The following PDGFA variants were observed in gnomAD, a reference collection of about 807,000 sequenced individuals.
PDGFA encodes platelet derived growth factor subunit A, also known as platelet-derived growth factor subunit A.
A neutral mutation model predicts 25.6 loss-of-function variants in PDGFA; 9 were observed. The ratio of observed to expected loss-of-function variants is 0.35; its 90% CI spans 0.21 to 0.61. PDGFA has a LOEUF of 0.61. Among genes scored for constraint, PDGFA ranks in the 20% least tolerant of loss-of-function variants. The pLI, the probability that PDGFA is intolerant of heterozygous loss-of-function variation, is 0.75. For synonymous variants in PDGFA, 133 were observed against 111.8 expected, an observed-to-expected ratio of 1.19 and a Z score of -1.20; for missense variants, 242 against 272.8, an observed-to-expected ratio of 0.89 and a Z score of 0.79.
At chr7:519,592 C>T (rs1783276367), upstream of PDGFA, among the ~76,000 whole-genome samples, 1 of 145,678 alleles carries the variant, frequency 6.9e-6, no homozygotes, top group Non-Finnish European at 1.5e-5. Context: ...GGCCCAGCAC[C>T]CCCTCCGCGG....
chr7:511,954 C>T (rs1296631858), intron 3 of PDGFA, among the ~76,000 whole-genome samples: 2 of 152,184 alleles, frequency 1.3e-5, no homozygotes, highest in Admixed American at 6.5e-5. Flanking sequence ...CAGCAGCCGG[C>T]GCAGGAGCAC....
At chr7:518,228 C>T (rs1290866384) in intron 1 of PDGFA, among the ~76,000 whole-genome samples, 2 of 152,140 alleles carry the variant, frequency 1.3e-5, no homozygotes, top group African/African-American at 2.4e-5. Context: ...CTCCCCTCCC[C>T]GATTTTTAAG....
chr7:512,310 G>A lies in PDGFA; in HGVS notation c.265+41C>T, dbSNP rs370914741. 8.1e-5 allele frequency: 121 copies of A among 1,492,406 alleles called. 1 individual carries two copies. Among genetic ancestry groups the A allele is most frequent in the African/African-American group, 3.1e-4 (22 of 71,532 alleles). The allele number at this position is 1,492,406 out of a possible 1,614,324, so 92.4% of individuals were successfully genotyped here. On this transcript the variant is annotated intron_variant, in intron 3 of 5. Transcript: ENST00000402802. Reference sequence around the variant, plus strand: ...CATCGCGGCCTCCTGGACTCACCCTGACCCGGCCCTGCCCTGCCCATCGCG... The same window carrying A: ...CATCGCGGCCTCCTGGACTCACCCTAACCCGGCCCTGCCCTGCCCATCGCG...
chr7:516,578 C>G (rs974040840), intron 2 of PDGFA, among the ~76,000 whole-genome samples: 2 of 152,200 alleles, frequency 1.3e-5, no homozygotes, highest in African/African-American at 4.8e-5. Context: ...GCCACGCACG[C>G]CTGGAAGAGA....
In PDGFA at chr7:500,653, A is replaced by G. The variant is rs1782288873; in HGVS notation, c.580+463T>C. The G allele has an allele frequency of 6.8e-7, 1 of 1,473,138 alleles. No individual in the cohort carries two copies. Among genetic ancestry groups the G allele is most frequent in the African/African-American group, 1.4e-5 (1 of 70,476 alleles). The allele number at this position is 1,473,138 out of a possible 1,614,324, so 91.3% of individuals were successfully genotyped here. ...AACTTCTGAGTCCCCTCATGCTCCC[A>G]GGGCCCAGCCATAGCAGGGCACAGA... On this transcript the variant is annotated intron_variant, in intron 5 of 5. Transcript: ENST00000402802. The surrounding 1 kb of genome is among the most constrained non-coding windows in gnomAD (Gnocchi z 5.0).
chr7:508,535 G>A (rs1782662811), intron 4 of PDGFA, among the ~76,000 whole-genome samples: 2 of 126,820 alleles, frequency 1.6e-5, no homozygotes, highest in African/African-American at 2.9e-5. Context: ...ACTCCAGCCT[G>A]GGCAACAGAG....
intron 4 of PDGFA, among the ~76,000 whole-genome samples, chr7:505,596 C>T (rs768916156): frequency 6.6e-6 from 1 of 152,178 alleles, no homozygotes; most frequent in Non-Finnish European, 1.5e-5. Context: ...ATGAAAGACA[C>T]CTGACTGGAC....
rs112786682 is a variant in PDGFA, at chr7:505,912, G to C, written c.454-4670C>G. Reference sequence around the variant, plus strand: ...ACCCCAGCTGGGTGCGGTGGCTCACGCCTGTAATCCCAGCACTTTGGGAGG... The same window carrying C: ...ACCCCAGCTGGGTGCGGTGGCTCACCCCTGTAATCCCAGCACTTTGGGAGG... On this transcript the variant is annotated intron_variant, in intron 4 of 5. Coordinates refer to ENST00000402802, the Ensembl canonical transcript of PDGFA. Among the ~76,000 whole-genome samples the C allele has an allele frequency of 6.6e-3, 1,009 of 152,288 alleles. 10 individuals carry two copies. The highest frequency in any genetic ancestry group is 0.011 in the Non-Finnish European group (765 of 68,030).
intron 2 of PDGFA, among the ~76,000 whole-genome samples, chr7:513,890 A>G (rs1229982330): frequency 2.0e-5 from 3 of 152,212 alleles, no homozygotes; most frequent in Admixed American, 6.5e-5. Flanking sequence ...TTCCAATGAC[A>G]CTAATTTTTT....
intron 2 of PDGFA, among the ~76,000 whole-genome samples, chr7:516,002 C>T (rs1243241716): frequency 1.7e-5 from 2 of 119,544 alleles, no homozygotes; most frequent in Non-Finnish European, 3.5e-5. Context: ...GCTAGCACCC[C>T]CCCCCAGAAA....
chr7:508,753 G>C (rs1470923424), intron 4 of PDGFA, among the ~76,000 whole-genome samples: 1 of 152,036 alleles, frequency 6.6e-6, no homozygotes, highest in African/African-American at 2.4e-5. Flanking sequence ...AGGGAGAAGA[G>C]CCCTAAGAGA....
intron 2 of PDGFA, among the ~76,000 whole-genome samples, chr7:516,485 C>A (rs1314959642): frequency 6.6e-6 from 1 of 152,158 alleles, no homozygotes; most frequent in African/African-American, 2.4e-5. Context: ...CTCTTTTTAA[C>A]AAGTTCATCG....
At chr7:499,720 T>TTCCCCCCCCC (rs1562483075) in intron 5 of PDGFA, among the ~76,000 whole-genome samples, 1 of 23,050 alleles carries the variant, frequency 4.3e-5, no homozygotes, top group African/African-American at 2.7e-4. Flanking sequence ...ATTTTGCCCT[T>TTCCCCCCCCC]CCCCCCCCCC....
upstream of PDGFA, chr7:520,001 G>A (rs1324429730): frequency 5.4e-6 from 2 of 371,834 alleles, no homozygotes; most frequent in Non-Finnish European, 1.1e-5. Flanking sequence ...GCAGGGCCCG[G>A]GCGCCGCCGC....
intron 4 of PDGFA, 67 bp downstream of exon 4, chr7:510,741 GA>G: frequency 2.7e-6 from 1 of 372,980 alleles, no homozygotes; most frequent in South Asian, 2.2e-5. Context: ...GGGGAGGGGA[GA>G]GGAGAGGAGG....
exon 6 of PDGFA, chr7:497,273 T>G (rs1368915416): frequency 6.7e-6 from 1 of 148,796 alleles, no homozygotes; most frequent in Admixed American, 6.7e-5. Flanking sequence ...TTGGTGGTAT[T>G]TTTTTTTTTA....
intron 2 of PDGFA, among the ~76,000 whole-genome samples, chr7:514,679 G>A (rs929575665): frequency 6.6e-6 from 1 of 152,222 alleles, no homozygotes; most frequent in African/African-American, 2.4e-5. Flanking sequence ...TTACTGGCCC[G>A]AGATGGGGCT....
intron 3 of PDGFA, among the ~76,000 whole-genome samples, chr7:512,134 G>A (rs1030872545): frequency 6.6e-6 from 1 of 152,222 alleles, no homozygotes; most frequent in African/African-American, 2.4e-5. Context: ...GCTGGGGCAG[G>A]AGACACCCTC....
chr7:500,360 T>G lies in PDGFA; in HGVS notation c.580+756A>C. The G allele has an allele frequency of 1.3e-6, 2 of 1,519,908 alleles. No individual in the cohort carries two copies. Among genetic ancestry groups the G allele is most frequent in the Non-Finnish European group, 1.8e-6 (2 of 1,095,504 alleles). The allele number at this position is 1,519,908 out of a possible 1,614,324, so 94.2% of individuals were successfully genotyped here. On this transcript the variant is annotated intron_variant, in intron 5 of 5. Coordinates refer to ENST00000402802, the Ensembl canonical transcript of PDGFA. The surrounding 1 kb of genome is among the most constrained non-coding windows in gnomAD (Gnocchi z 5.0). ...GCACCCGGCGAGACAGGAAGCGTGA[T>G]TTGCTGGTGTGATCAGTCAGTTGCA...
Sources: gnomAD v4.1 joint callset for allele counts (sites outside exome capture counted in the v4.1 genomes callset) on GRCh38, gnomAD v4.1.1 for gene constraint, Gnocchi (gnomAD v3.1) non-coding constraint, MANE v1.5 for transcripts, NCBI Gene and HGNC (gene_info 2026-07-23, HGNC 2026-07-21) for gene names.